BEGAIN: variants seen among roughly 807,000 people sequenced by gnomAD.
The protein encoded by BEGAIN is brain enriched guanylate kinase associated.
Under a neutral mutation model 35.8 loss-of-function variants are expected in BEGAIN, and 19 were observed. The observed-to-expected ratio is 0.53, with a 90% CI of 0.37 to 0.78. BEGAIN has a LOEUF of 0.78. BEGAIN is among the 30% of genes least tolerant of loss of function. BEGAIN has a pLI of 0.00. For missense variants in BEGAIN, 795 were observed against 853.6 expected (o/e 0.93, Z 0.85); for synonymous variants, 462 against 388.6 (o/e 1.19, Z -2.22).
At position 100,563,606 on chromosome 14, in the gene BEGAIN, A is replaced by G. The variant is rs2034456471; in HGVS notation, c.71+4305T>C. Among the ~76,000 whole-genome samples the G allele has an allele frequency of 6.6e-6, 1 of 152,224 alleles. No homozygotes were observed. On this transcript the variant is annotated intron_variant, in intron 2 of 6. Coordinates refer to ENST00000554140, the MANE Select transcript of BEGAIN (RefSeq NM_001385089.1). This position sits in a 1 kb window ranked among gnomAD's most constrained non-coding sequence, Gnocchi z 4.2. ...CAGCAAACCAGGGCAGCCCACCCCA[A>G]CAACGCTGGAGGGACAGTGATGGGG...
chr14:100,566,047 G>A (rs976919862), intron 2 of BEGAIN, among the ~76,000 whole-genome samples: 1 of 152,226 alleles, frequency 6.6e-6, no homozygotes, highest in Non-Finnish European at 1.5e-5. Flanking sequence ...TTCTGGAAAA[G>A]CCCTTCAGGC....
At chr14:100,540,706 G>C in intron 5 of BEGAIN, 127 bp from the exon 6 acceptor site, 1 of 664,382 alleles carries the variant, frequency 1.5e-6, no homozygotes, top group Non-Finnish European at 2.6e-6. Context: ...GCAGGACAAG[G>C]ACCCACTGCT....
At chr14:100,583,623 CCT>C (rs2035367277) in intron 1 of BEGAIN, among the ~76,000 whole-genome samples, 1 of 150,780 alleles carries the variant, frequency 6.6e-6, no homozygotes, top group Admixed American at 6.6e-5. Context: ...TCCATCTATC[CCT>C]CTTTCTCTCT....
chr14:100,577,122 G>A lies in BEGAIN; in HGVS notation c.43-9183C>T, dbSNP rs147969872. Among the ~76,000 whole-genome samples, 156 of 152,320 alleles carry A rather than the reference G, an allele frequency of 1.0e-3. 1 individual carries two copies. Among genetic ancestry groups the A allele is most frequent in the African/African-American group, 3.4e-3 (140 of 41,572 alleles). ...ATTACTGTTCATGCATATGCCTTCC[G>A]TACAGAAATAGTCTGCCTGCCCCAA... On this transcript the variant is annotated intron_variant, in intron 1 of 6. Transcript: ENST00000554140.
intron 5 of BEGAIN, among the ~76,000 whole-genome samples, chr14:100,541,098 CA>C (rs1202534780): frequency 4.3e-4 from 65 of 152,256 alleles, no homozygotes; most frequent in Admixed American, 4.3e-3. Context: ...AGTGTGGCTG[CA>C]GGGCTGGGCA....
intron 2 of BEGAIN, chr14:100,549,515 C>T (rs945840334): frequency 2.0e-5 from 3 of 152,408 alleles, no homozygotes; most frequent in Non-Finnish European, 4.4e-5. Flanking sequence ...CGTGTCCCCT[C>T]TGCCCAGTCC....
chr14:100,546,694 G>C, intron 2 of BEGAIN, 32 bp from the exon 3 acceptor site: 2 of 1,532,656 alleles, frequency 1.3e-6, no homozygotes, highest in South Asian at 1.2e-5. Context: ...GGGCCGGGCC[G>C]CGGCGCTGAG....
intron 1 of BEGAIN, chr14:100,578,058 G>A (rs553752018): frequency 3.8e-4 from 151 of 398,172 alleles, no homozygotes; most frequent in African/African-American, 2.5e-3. Flanking sequence ...TGTGCCTCCC[G>A]TCCTCACAGG....
Position 100,577,900 on chromosome 14 carries a change from CT to C in BEGAIN, c.42+9348del, listed in dbSNP as rs138004367. 554 of 399,250 alleles carry C rather than the reference CT, an allele frequency of 1.4e-3. 2 individuals carry two copies. The highest frequency in any genetic ancestry group is 0.011 in the African/African-American group (516 of 48,772). 24.7% of individuals were successfully genotyped at this position (399,250 alleles called of 1,614,324 possible). The stretch of plus-strand genomic sequence containing the variant: ...CAGGAGGGAGCTGTAGCCGTCCTGC[CT>C]GGGACAGGTAGGGTTAGAGCCCCGT... On this transcript the variant is annotated intron_variant, in intron 1 of 6. Transcript: ENST00000554140.
chr14:100,581,726 G>A (rs2035318908), intron 1 of BEGAIN, among the ~76,000 whole-genome samples: 1 of 152,202 alleles, frequency 6.6e-6, no homozygotes. Flanking sequence ...ACTCACACCC[G>A]TTTCCTCTCC....
At position 100,587,396 on chromosome 14, in the gene BEGAIN, C is replaced by G. The variant is rs985849872; in HGVS notation, c.-106G>C. ...CGGCGCGGCCGGGGCTCCCCCACCCCGCCCGGCTTCCCGCAGGGAGCGCCC... is the reference window on the plus strand; with the variant it reads ...CGGCGCGGCCGGGGCTCCCCCACCCGGCCCGGCTTCCCGCAGGGAGCGCCC... On this transcript the variant is annotated 5_prime_UTR_variant, in exon 1 of 7. Coordinates refer to ENST00000554140, the MANE Select transcript of BEGAIN (RefSeq NM_001385089.1). 4.1e-5 allele frequency: 6 copies of G among 145,978 alleles called. No homozygotes were observed. The highest frequency in any genetic ancestry group is 1.2e-4 in the African/African-American group (5 of 40,620). 9.0% of individuals were successfully genotyped at this position (145,978 alleles called of 1,614,324 possible).
At chr14:100,587,036 C>T (rs562197820) in intron 1 of BEGAIN, among the ~76,000 whole-genome samples, 2 of 151,886 alleles carry the variant, frequency 1.3e-5, no homozygotes, top group Admixed American at 1.3e-4. Context: ...TGGGCATCCC[C>T]GCCCCACCCG....
rs568411630 is a variant in BEGAIN at position 100,573,933 on chromosome 14, C to G, written c.43-5994G>C. Among the ~76,000 whole-genome samples, 12 of 144,698 alleles carry G rather than the reference C, an allele frequency of 8.3e-5. No individual in the cohort carries two copies. The highest frequency in any genetic ancestry group is 2.7e-4 in the African/African-American group (11 of 40,144). 94.9% of individuals were successfully genotyped at this position (144,698 alleles called of 152,430 possible). ...AGGTGAGCAGGACCGGCCAAGGAGA[C>G]TGGGAAAGGGTGGGTGGGAGGTGGG... is the stretch of plus-strand genomic sequence containing the variant. On this transcript the variant is annotated intron_variant, in intron 1 of 6. Coordinates refer to ENST00000554140, the MANE Select transcript of BEGAIN (RefSeq NM_001385089.1). This position sits in a 1 kb window ranked among gnomAD's most constrained non-coding sequence, Gnocchi z 4.2.
rs756550751 is a variant in BEGAIN, at chr14:100,538,260, G to A, written c.1548C>T (p.Gly516=). The A allele has an allele frequency of 5.1e-6, 8 of 1,563,080 alleles. No homozygotes were observed. The East Asian group carries it at 9.1e-5, about 18-fold the overall frequency. The change falls in exon 7 of 7, where the codon GGC becomes GGT. Residue 516 remains glycine (G), a synonymous_variant. Coordinates refer to ENST00000554140, the MANE Select transcript of BEGAIN (RefSeq NM_001385089.1). The part of the protein sequence containing the change: ...LAEPCFLRAG[G]DLSLSPGRSA... ...AGCGGCCGGGACTGAGGCTCAGGTC[G>A]CCGCCCGCCCGCAGGAAGCAGGGCT...
rs1240262294 is a variant in BEGAIN, at chr14:100,537,401, G to A, written c.*568C>T. The stretch of plus-strand genomic sequence containing the variant: ...CAGGGCGGTGTGGTGGCCACACTGC[G>A]AAGAATGGATTTTTAAAACACTTCA... On this transcript the variant is annotated 3_prime_UTR_variant, in exon 7 of 7. Coordinates refer to ENST00000554140, the MANE Select transcript of BEGAIN (RefSeq NM_001385089.1). 2.0e-5 allele frequency: 3 copies of A among 152,606 alleles called. 1 individual carries two copies. The South Asian group carries it at 6.2e-4, about 32-fold the overall frequency. The allele number at this position is 152,606 out of a possible 1,614,324, so 9.5% of individuals were successfully genotyped here.
intron 5 of BEGAIN, among the ~76,000 whole-genome samples, chr14:100,543,216 T>C (rs2140481156): frequency 6.6e-6 from 1 of 152,324 alleles, no homozygotes; most frequent in East Asian, 1.9e-4. Context: ...TCGCTTTCTG[T>C]TTCTCTATAG....
chr14:100,579,469 G>A (rs2035272235), intron 1 of BEGAIN, among the ~76,000 whole-genome samples: 2 of 152,194 alleles, frequency 1.3e-5, no homozygotes. Context: ...TTCCTAGGAT[G>A]CGGCTTTAGG....
rs2035447758 is a variant in BEGAIN, at chr14:100,586,488, G to A, written c.42+761C>T. On this transcript the variant is annotated intron_variant, in intron 1 of 6. Transcript: ENST00000554140. This position sits in a 1 kb window ranked among gnomAD's most constrained non-coding sequence, Gnocchi z 4.9. The stretch of plus-strand genomic sequence containing the variant: ...TCGCCCACGCTGTTCCTGCCCTGAG[G>A]AAACCACATTGGGGATGGGGTGGGG... Among the ~76,000 whole-genome samples, 1 of 152,150 alleles carries A rather than the reference G, an allele frequency of 6.6e-6. No homozygotes were observed. Among genetic ancestry groups the A allele is most frequent in the Admixed American group, 6.5e-5 (1 of 15,288 alleles).
chr14:100,544,249 G>A (rs1255417437), intron 4 of BEGAIN, among the ~76,000 whole-genome samples: 3 of 152,132 alleles, frequency 2.0e-5, no homozygotes, highest in Non-Finnish European at 4.4e-5. Context: ...GAGTGGGGAC[G>A]GAGGACAGAT....
Sources: allele counts gnomAD v4.1 joint callset (sites outside exome capture counted in the v4.1 genomes callset), GRCh38; gene constraint gnomAD v4.1.1; non-coding constraint Gnocchi (gnomAD v3.1); transcripts MANE v1.5; gene names NCBI Gene and HGNC (gene_info 2026-07-23, HGNC 2026-07-21).